Variants in YTHDF2 observed in about 807,000 individuals in gnomAD.
YTHDF2 encodes YTH domain-containing family protein 2.
A neutral mutation model predicts 50.4 loss-of-function variants in YTHDF2; 2 were observed. That is an observed-to-expected ratio of 0.04 (90% CI 0.02 to 0.12). The LOEUF is 0.12. YTHDF2 is among the 10% of genes least tolerant of loss of function. The pLI is 1.00. For synonymous variants in YTHDF2, 217 were observed against 255.6 expected, an observed-to-expected ratio of 0.85 and a Z score of 1.44; for missense variants, 483 against 722.6, an observed-to-expected ratio of 0.67 and a Z score of 3.80.
chr1:28,760,750 T>C lies in YTHDF2; in HGVS notation c.1717-8179T>C, dbSNP rs59354679. 8.4e-3 allele frequency among the ~76,000 whole-genome samples: 1,284 copies of C among 152,136 alleles called. 14 individuals are homozygous for C. Among genetic ancestry groups the C allele is most frequent in the African/African-American group, 0.027 (1,134 of 41,484 alleles). On this transcript the variant is annotated intron_variant, in intron 4 of 4. Coordinates refer to ENST00000373812, the MANE Select transcript of YTHDF2 (RefSeq NM_016258.3). ...CGCGTGCCACTACACCCAGCTGATTTTGTATTTATGGTAGAGACAGGGTTT... is the reference window on the plus strand; with the variant it reads ...CGCGTGCCACTACACCCAGCTGATTCTGTATTTATGGTAGAGACAGGGTTT...
At chr1:28,765,525 A>G (rs1039504687) in intron 4 of YTHDF2, among the ~76,000 whole-genome samples, 2 of 152,076 alleles carry the variant, frequency 1.3e-5, no homozygotes, top group African/African-American at 4.8e-5. Context: ...TCCTGGGTTC[A>G]AGCTGTCCTC....
rs1333061827 is a variant in YTHDF2 at position 28,769,593 on chromosome 1, G to A, written c.*641G>A. The A allele has an allele frequency of 6.6e-6, 1 of 152,656 alleles. No homozygotes were observed. The highest frequency in any genetic ancestry group is 1.5e-5 in the Non-Finnish European group (1 of 68,042). 9.5% of individuals were successfully genotyped at this position (152,656 alleles called of 1,614,324 possible). A position where few individuals can be genotyped will look rare whatever the true frequency, so the allele number is the denominator to read the frequency against. On this transcript the variant is annotated 3_prime_UTR_variant, in exon 5 of 5. Coordinates refer to ENST00000373812, the MANE Select transcript of YTHDF2 (RefSeq NM_016258.3). ...ATACTGATTAAGTCAGGATTAATTT[G>A]ATTTCAAAGCTGAGAACAGTGGTAA... is the stretch of plus-strand genomic sequence containing the variant.
intron 4 of YTHDF2, among the ~76,000 whole-genome samples, chr1:28,765,962 T>C (rs1338160465): frequency 6.6e-6 from 1 of 152,232 alleles, no homozygotes; most frequent in East Asian, 1.9e-4. Context: ...TCAGGAAATT[T>C]AATTGACACA....
chr1:28,752,337 G>C (rs893205629), intron 4 of YTHDF2, among the ~76,000 whole-genome samples: 1 of 152,092 alleles, frequency 6.6e-6, no homozygotes, highest in Non-Finnish European at 1.5e-5. Flanking sequence ...CTCACTTGTT[G>C]CCCAGGCTGG....
intron 1 of YTHDF2, 86 bp downstream of exon 1, chr1:28,737,233 C>T: frequency 2.1e-6 from 3 of 1,450,120 alleles, no homozygotes; most frequent in Non-Finnish European, 2.7e-6. Flanking sequence ...CTGGGCAGGC[C>T]GAGCCGAGCC....
intron 4 of YTHDF2, among the ~76,000 whole-genome samples, chr1:28,753,427 A>T (rs941417610): frequency 7.3e-6 from 1 of 137,594 alleles, no homozygotes; most frequent in Non-Finnish European, 1.5e-5. Context: ...GCACACCTGT[A>T]GTCCTAGTTG....
At chr1:28,761,330 G>A (rs538522054) in intron 4 of YTHDF2, among the ~76,000 whole-genome samples, 4 of 152,090 alleles carry the variant, frequency 2.6e-5, no homozygotes, top group Admixed American at 2.0e-4. Context: ...GAGAGATAAG[G>A]TTTCACTGTG....
intron 4 of YTHDF2, among the ~76,000 whole-genome samples, chr1:28,756,841 C>T (rs1052859101): frequency 4.6e-5 from 7 of 152,098 alleles, no homozygotes; most frequent in Non-Finnish European, 8.8e-5. Flanking sequence ...AAGGACTGTT[C>T]TTATAGTTCC....
At chr1:28,746,516 G>A (rs934154600) in intron 4 of YTHDF2, among the ~76,000 whole-genome samples, 1 of 151,272 alleles carries the variant, frequency 6.6e-6, no homozygotes, top group Admixed American at 6.6e-5. Flanking sequence ...GAGGCGGGCC[G>A]ATCACTTGAG....
intron 4 of YTHDF2, among the ~76,000 whole-genome samples, chr1:28,744,738 C>T (rs566344605): frequency 1.5e-4 from 23 of 152,020 alleles, no homozygotes; most frequent in South Asian, 1.5e-3. Flanking sequence ...GCATGATGTC[C>T]GCCCACTCCA....
chr1:28,762,917 G>A (rs2088156796), intron 4 of YTHDF2, among the ~76,000 whole-genome samples: 1 of 151,598 alleles, frequency 6.6e-6, no homozygotes, highest in South Asian at 2.1e-4. Flanking sequence ...GGCTCACCCG[G>A]GTTCAAGTGA....
chr1:28,743,497 T>C lies in YTHDF2; in HGVS notation c.1227T>C (p.His409=), dbSNP rs1179127109. Residue 409 remains histidine (H), a synonymous_variant, in exon 4 of 5, where the codon CAT becomes CAC. Transcript: ENST00000373812. The surrounding 1 kb of genome is among the most constrained non-coding windows in gnomAD (Gnocchi z 6.9). ...AAGATTTTGACTGGAATCTGAAACA[T>C]GGCCGGGTTTTCATCATTAAGAGCT... is the stretch of plus-strand genomic sequence containing the variant. ...NPKDFDWNLK[H]GRVFIIKSYS... The C allele has an allele frequency of 3.1e-6, 5 of 1,614,166 alleles. No homozygotes were observed. The highest frequency in any genetic ancestry group is 2.2e-5 in the East Asian group (1 of 44,886).
intron 4 of YTHDF2, among the ~76,000 whole-genome samples, chr1:28,748,759 C>T (rs2087903886): frequency 6.6e-6 from 1 of 152,108 alleles, no homozygotes; most frequent in Non-Finnish European, 1.5e-5. Context: ...ATTGTGTGAC[C>T]TTTCTGCGTT....
chr1:28,758,119 T>C (rs1323601679), intron 4 of YTHDF2, among the ~76,000 whole-genome samples: 4 of 152,320 alleles, frequency 2.6e-5, no homozygotes, highest in East Asian at 1.9e-4. Flanking sequence ...TTAAAATTGC[T>C]AACTGGCCGG....
intron 4 of YTHDF2, among the ~76,000 whole-genome samples, chr1:28,751,624 A>G (rs2087954053): frequency 6.6e-6 from 1 of 152,216 alleles, no homozygotes; most frequent in Admixed American, 6.5e-5. Context: ...GGAGGACTAG[A>G]AGAGAATAGA....
chr1:28,741,410 G>T (rs538132232), intron 3 of YTHDF2, among the ~76,000 whole-genome samples: 211 of 151,882 alleles, frequency 1.4e-3, no homozygotes, highest in African/African-American at 4.9e-3. Flanking sequence ...TAATTCTACC[G>T]CCTCAGCCTC....
At chr1:28,738,065 T>C (rs920059651) in intron 2 of YTHDF2, among the ~76,000 whole-genome samples, 194 bp from the exon 3 acceptor site, 15 of 152,098 alleles carry the variant, frequency 9.9e-5, no homozygotes, top group Non-Finnish European at 1.9e-4. Context: ...TTAGATCAAC[T>C]TGCTCTGGGT....
Position 28,738,351 on chromosome 1 carries a change from CTATT to C in YTHDF2, c.132+16_132+19del. ...ACAGGCAAGGCCCGTGAGTAGTTAA[CTATT>C]TACATATCTAATCGAAGGGTGTGGT... On this transcript the variant is annotated intron_variant, in intron 3 of 4. Coordinates refer to ENST00000373812, the MANE Select transcript of YTHDF2 (RefSeq NM_016258.3). The C allele has an allele frequency of 6.2e-7, 1 of 1,601,056 alleles. No homozygotes were observed. Among genetic ancestry groups the C allele is most frequent in the East Asian group, 2.2e-5 (1 of 44,824 alleles).
intron 4 of YTHDF2, among the ~76,000 whole-genome samples, chr1:28,756,861 T>C (rs1044485327): frequency 6.6e-6 from 1 of 152,164 alleles, no homozygotes; most frequent in Non-Finnish European, 1.5e-5. Flanking sequence ...CTTAGGAGTT[T>C]ATGCAGAGGA....
Sources: gnomAD v4.1 joint callset for allele counts (sites outside exome capture counted in the v4.1 genomes callset) on GRCh38, gnomAD v4.1.1 for gene constraint, Gnocchi (gnomAD v3.1) non-coding constraint, MANE v1.5 for transcripts, NCBI Gene and HGNC (gene_info 2026-07-23, HGNC 2026-07-21) for gene names.